The following LPP variants were observed in gnomAD, a reference collection of about 807,000 sequenced individuals.
LPP encodes the protein LIM domain containing preferred translocation partner in lipoma.
LPP carries 38 observed loss-of-function variants against 60.4 expected under a neutral mutation model. The ratio of observed to expected loss-of-function variants is 0.63; its 90% CI spans 0.49 to 0.83. The LOEUF (loss-of-function observed/expected upper bound fraction) is 0.83, where lower values mean the gene tolerates loss of function less well. Among genes scored for constraint, LPP ranks in the 40% least tolerant of loss-of-function variants. The pLI is 0.00. For synonymous variants in LPP, 328 were observed against 290.8 expected (o/e 1.13, Z -1.30); for missense variants, 902 against 783.6 (o/e 1.15, Z -1.80).
chr3:188,222,870 A>G (rs7639866), intron 1 of LPP, among the ~76,000 whole-genome samples: 2,678 of 152,190 alleles, frequency 0.018, 74 homozygotes, highest in African/African-American at 0.059. Flanking sequence ...GCCATTGCCC[A>G]TAATGTTTGA....
At chr3:188,487,155 G>A (rs992742605) in intron 5 of LPP, among the ~76,000 whole-genome samples, 20 of 152,094 alleles carry the variant, frequency 1.3e-4, no homozygotes, top group African/African-American at 3.6e-4. Flanking sequence ...GTGATCTTGC[G>A]CAATGCATGC....
chr3:188,699,751 C>T (rs1381184838), intron 7 of LPP, among the ~76,000 whole-genome samples: 1 of 152,114 alleles, frequency 6.6e-6, no homozygotes, highest in Non-Finnish European at 1.5e-5. Flanking sequence ...CACTTCTTTC[C>T]TTCTCTGTGG....
chr3:188,602,269 G>A (rs914050272), intron 6 of LPP, among the ~76,000 whole-genome samples: 36 of 146,286 alleles, frequency 2.5e-4, no homozygotes, highest in African/African-American at 8.2e-4. Context: ...CTGGTTGGAT[G>A]AGGAATGGAG....
intron 7 of LPP, among the ~76,000 whole-genome samples, chr3:188,646,779 C>G (rs544831595): frequency 6.6e-6 from 1 of 152,344 alleles, no homozygotes; most frequent in African/African-American, 2.4e-5. Flanking sequence ...GAACAAAACA[C>G]AAGTTCCCTT....
chr3:188,466,742 TCA>T (rs1800472317), intron 4 of LPP, among the ~76,000 whole-genome samples: 1 of 145,826 alleles, frequency 6.9e-6, no homozygotes, highest in Non-Finnish European at 1.5e-5. Context: ...CCTTTTAGTC[TCA>T]GTTATATTTT....
intron 4 of LPP, among the ~76,000 whole-genome samples, chr3:188,476,274 G>A (rs939838692): frequency 7.9e-5 from 12 of 152,080 alleles, no homozygotes; most frequent in Non-Finnish European, 1.5e-4. Context: ...GATGGCACTC[G>A]ATGAATAAAT....
rs563471378 is a variant in LPP, at chr3:188,631,797, C to T, written c.1113+21953C>T. Among the ~76,000 whole-genome samples the T allele has an allele frequency of 2.0e-4, 30 of 152,262 alleles. 1 individual carries two copies. The East Asian group carries it at 4.3e-3, about 22-fold the overall frequency. On this transcript the variant is annotated intron_variant, in intron 7 of 11. Coordinates refer to ENST00000617246, the MANE Select transcript of LPP (RefSeq NM_001375462.1). ...CCAGGAACTCATTCCTATACAATGA[C>T]GATGGGTGATGACTTAAGCACACAC...
At chr3:188,651,199 G>C (rs1275029096) in intron 7 of LPP, among the ~76,000 whole-genome samples, 3 of 152,170 alleles carry the variant, frequency 2.0e-5, no homozygotes, top group African/African-American at 7.2e-5. Flanking sequence ...TCTGCCATAT[G>C]CTGGGATATT....
At chr3:188,330,820 T>C (rs779906706) in intron 2 of LPP, among the ~76,000 whole-genome samples, 1 of 148,378 alleles carries the variant, frequency 6.7e-6, no homozygotes, top group Non-Finnish European at 1.5e-5. Context: ...TGCCTCAGAA[T>C]AAGTCAGTCA....
At chr3:188,162,135 C>T (rs762143411) in intron 1 of LPP, among the ~76,000 whole-genome samples, 1 of 152,310 alleles carries the variant, frequency 6.6e-6, no homozygotes, top group Admixed American at 6.5e-5. Flanking sequence ...TCACAGAAAC[C>T]ATGAGTATTT....
At chr3:188,497,481 A>G (rs142724595) in intron 5 of LPP, among the ~76,000 whole-genome samples, 2 of 152,326 alleles carry the variant, frequency 1.3e-5, no homozygotes, top group Non-Finnish European at 2.9e-5. Context: ...GAATAATTGC[A>G]TAACTTTTAA....
chr3:188,274,306 T>A (rs1047594774), intron 2 of LPP, among the ~76,000 whole-genome samples: 1 of 152,248 alleles, frequency 6.6e-6, no homozygotes, highest in African/African-American at 2.4e-5. Flanking sequence ...CACATGATAT[T>A]TAAAACCTAT....
At position 188,878,759 on chromosome 3, in the gene LPP, T is replaced by TAAAAAAAAA. The variant is rs11448997; in HGVS notation, c.*4288_*4296dup. 139 of 153,298 alleles carry TAAAAAAAAA rather than the reference T, an allele frequency of 9.1e-4. No homozygotes were observed. The highest frequency in any genetic ancestry group is 1.1e-3 in the Non-Finnish European group (82 of 76,008). 9.5% of individuals were successfully genotyped at this position (153,298 alleles called of 1,614,324 possible). A position where few individuals can be genotyped will look rare whatever the true frequency, so the allele number is the denominator to read the frequency against. On this transcript the variant is annotated 3_prime_UTR_variant, in exon 12 of 12. Coordinates refer to ENST00000617246, the MANE Select transcript of LPP (RefSeq NM_001375462.1). Reference sequence around the variant, plus strand: ...ATATACTCACCAAAAAGTAAAAAAGTAAAAAAAAAAAAAAAAGAAAGAAAG... The same window carrying TAAAAAAAAA: ...ATATACTCACCAAAAAGTAAAAAAGTAAAAAAAAAAAAAAAAAAAAAAAAAGAAAGAAAG...
chr3:188,716,032 A>C (rs368208618), intron 8 of LPP, among the ~76,000 whole-genome samples: 2 of 152,208 alleles, frequency 1.3e-5, no homozygotes, highest in South Asian at 2.1e-4. Flanking sequence ...TGAGCCTTAA[A>C]ATTATTGAGT....
Position 188,645,850 on chromosome 3 carries a change from T to C in LPP, c.1113+36006T>C, listed in dbSNP as rs1432027132. 3.3e-5 allele frequency among the ~76,000 whole-genome samples: 5 copies of C among 151,870 alleles called. No individual in the cohort carries two copies. In the East Asian group the frequency reaches 7.7e-4, roughly 23 times the overall value. Reference sequence around the variant, plus strand: ...AAATAAATTCCTTAAATAATTTATATCAGACAAATGGATCTGAATCTAAGC... The same window carrying C: ...AAATAAATTCCTTAAATAATTTATACCAGACAAATGGATCTGAATCTAAGC... On this transcript the variant is annotated intron_variant, in intron 7 of 11. Transcript: ENST00000617246.
At chr3:188,240,642 A>C (rs1256598992) in intron 2 of LPP, among the ~76,000 whole-genome samples, 1 of 152,286 alleles carries the variant, frequency 6.6e-6, no homozygotes, top group African/African-American at 2.4e-5. Context: ...TCATATAAAA[A>C]AGCGTAATCA....
At chr3:188,286,615 A>G (rs1743999763) in intron 2 of LPP, among the ~76,000 whole-genome samples, 1 of 152,168 alleles carries the variant, frequency 6.6e-6, no homozygotes, top group South Asian at 2.1e-4. Context: ...AGTTTCTGAA[A>G]TTTAAAATGG....
intron 9 of LPP, among the ~76,000 whole-genome samples, chr3:188,770,260 G>A (rs1735479457): frequency 7.4e-6 from 1 of 135,524 alleles, no homozygotes; most frequent in South Asian, 2.4e-4. Flanking sequence ...CTCACCGCAA[G>A]CTCCACCTGC....
intron 5 of LPP, among the ~76,000 whole-genome samples, chr3:188,502,819 C>A (rs955653980): frequency 6.6e-6 from 1 of 151,986 alleles, no homozygotes; most frequent in Admixed American, 6.6e-5. Context: ...AAAAAAATCA[C>A]CTAATATAAA....
Sources: gnomAD v4.1 joint callset for allele counts (sites outside exome capture counted in the v4.1 genomes callset) on GRCh38, gnomAD v4.1.1 for gene constraint, MANE v1.5 for transcripts, NCBI Gene and HGNC (gene_info 2026-07-23, HGNC 2026-07-21) for gene names.